SSH1: variants seen among roughly 807,000 people sequenced by gnomAD.
SSH1 encodes the protein slingshot protein phosphatase 1, also known as protein phosphatase Slingshot homolog 1.
Under a neutral mutation model 79.7 loss-of-function variants are expected in SSH1, and 43 were observed. That is an observed-to-expected ratio of 0.54 (90% CI 0.42 to 0.70). The LOEUF (loss-of-function observed/expected upper bound fraction) is 0.70, where lower values mean the gene tolerates loss of function less well. Ranked by LOEUF, SSH1 falls within the 30% of genes least tolerant of loss-of-function variation. SSH1 has a pLI of 0.00. For synonymous variants in SSH1, 599 were observed against 538.3 expected, an observed-to-expected ratio of 1.11 and a Z score of -1.56; for missense variants, 1,206 against 1,358.8, an observed-to-expected ratio of 0.89 and a Z score of 1.77.
At chr12:108,793,349 C>T (rs2036598748) in intron 13 of SSH1, among the ~76,000 whole-genome samples, 1 of 151,400 alleles carries the variant, frequency 6.6e-6, no homozygotes, top group Non-Finnish European at 1.5e-5. Flanking sequence ...AGGTTTAGGT[C>T]AGTTTTTAAA....
chr12:108,854,954 C>T (rs899158597), intron 1 of SSH1, among the ~76,000 whole-genome samples: 1 of 152,176 alleles, frequency 6.6e-6, no homozygotes, highest in African/African-American at 2.4e-5. Flanking sequence ...AACATCCCAG[C>T]GCATTCAAAG....
intron 2 of SSH1, among the ~76,000 whole-genome samples, chr12:108,825,329 G>A (rs1172246913): frequency 6.6e-6 from 1 of 152,140 alleles, no homozygotes; most frequent in African/African-American, 2.4e-5. Flanking sequence ...GTAGTTAAAC[G>A]TTCGAATTCT....
chr12:108,828,822 T>C, intron 2 of SSH1, among the ~76,000 whole-genome samples: 1 of 152,218 alleles, frequency 6.6e-6, no homozygotes, highest in East Asian at 1.9e-4. Flanking sequence ...GGTAAGTTTC[T>C]CATCAACAGG....
intron 1 of SSH1, among the ~76,000 whole-genome samples, chr12:108,855,718 C>T (rs929222542): frequency 6.6e-6 from 1 of 152,188 alleles, no homozygotes; most frequent in Admixed American, 6.5e-5. Flanking sequence ...AGCCCCTCCT[C>T]GCTGTGGGAA....
chr12:108,856,664 G>A (rs2039149278), intron 1 of SSH1, among the ~76,000 whole-genome samples: 1 of 152,216 alleles, frequency 6.6e-6, no homozygotes, highest in Non-Finnish European at 1.5e-5. Context: ...TCCAGAGGCG[G>A]CAGGCGGGGA....
chr12:108,792,354 C>T lies in SSH1; in HGVS notation c.1825G>A (p.Asp609Asn), dbSNP rs201082643. 14 of 1,614,164 alleles carry T rather than the reference C, an allele frequency of 8.7e-6. No homozygotes were observed. The highest frequency in any genetic ancestry group is 3.3e-5 in the South Asian group (3 of 91,080). Residue 609 changes from aspartate (D) to asparagine (N), a missense_variant, in exon 14 of 15, where the codon GAT (aspartate) becomes AAT (asparagine). Physicochemically the swap from Asp to Asn is conservative, Grantham distance 23. This residue lies in a region of SSH1 where 709 missense variants were observed against 730.6 expected (regional missense o/e 0.97). Coordinates refer to ENST00000326495, the MANE Select transcript of SSH1 (RefSeq NM_018984.4). Reference sequence around the variant, plus strand: ...TTCTCCGAGTTGAGCAGGTTTTGATCGAGCTGGGTTGGAAGCTGCCCCCAC... The same window carrying T: ...TTCTCCGAGTTGAGCAGGTTTTGATTGAGCTGGGTTGGAAGCTGCCCCCAC... ...GRWGQLPTQL[D>N]QNLLNSENLN...
intron 2 of SSH1, among the ~76,000 whole-genome samples, chr12:108,843,055 T>C (rs1163512673): frequency 1.3e-5 from 2 of 152,242 alleles, no homozygotes; most frequent in Non-Finnish European, 2.9e-5. Flanking sequence ...ATTTACTGTC[T>C]TGTCTCCTCA....
In SSH1 at chr12:108,792,334, CGAGTTGA is replaced by C. The variant is rs1422066648; in HGVS notation, c.1838_1844del (p.Leu613ArgfsTer4). ...TCTTGCTGTTGTTGTTTAGGTTCTC[CGAGTTGA>C]GCAGGTTTTGATCGAGCTGGGTTGG... On this transcript the variant is annotated frameshift_variant, in exon 14 of 15. Coordinates refer to ENST00000326495, the MANE Select transcript of SSH1 (RefSeq NM_018984.4). LOFTEE classifies it low-confidence loss of function (END_TRUNC). 6.2e-7 allele frequency: 1 copy of C among 1,614,034 alleles called. No individual in the cohort carries two copies. The highest frequency in any genetic ancestry group is 1.7e-5 in the Admixed American group (1 of 59,986).
chr12:108,804,113 G>A (rs1382674536), intron 10 of SSH1, among the ~76,000 whole-genome samples: 1 of 152,076 alleles, frequency 6.6e-6, no homozygotes, highest in African/African-American at 2.4e-5. Context: ...TTAGAGACAA[G>A]GTCTCACTAT....
intron 12 of SSH1, among the ~76,000 whole-genome samples, 164 bp downstream of exon 12, chr12:108,800,616 A>G (rs949954884): frequency 6.7e-6 from 1 of 149,930 alleles, no homozygotes; most frequent in Admixed American, 6.6e-5. Flanking sequence ...GCAAAGGTCC[A>G]TCCCACATCA....
chr12:108,852,519 C>T lies in SSH1; in HGVS notation c.110+119G>A, dbSNP rs956921758. On this transcript the variant is annotated intron_variant, in intron 2 of 14. Coordinates refer to ENST00000326495, the MANE Select transcript of SSH1 (RefSeq NM_018984.4). ...TGCTGGAATTACAGGCGTGACCCACCGCACCCAGCCCAAAATTGGCATATT... is the reference window on the plus strand; with the variant it reads ...TGCTGGAATTACAGGCGTGACCCACTGCACCCAGCCCAAAATTGGCATATT... The T allele has an allele frequency of 1.6e-5, 20 of 1,286,580 alleles. No individual in the cohort carries two copies. In the East Asian group the frequency reaches 3.7e-4, roughly 24 times the overall value. 79.7% of individuals were successfully genotyped at this position (1,286,580 alleles called of 1,614,324 possible).
At chr12:108,791,904 T>C (rs1031864401) in intron 14 of SSH1, 15 of 1,291,568 alleles carry the variant, frequency 1.2e-5, no homozygotes, top group African/African-American at 3.0e-5. Context: ...AGAATAGTCA[T>C]ATATCGATAA....
At chr12:108,824,464 A>AG (rs2038239700) in intron 2 of SSH1, among the ~76,000 whole-genome samples, 1 of 151,166 alleles carries the variant, frequency 6.6e-6, no homozygotes, top group South Asian at 2.1e-4. Flanking sequence ...CAAAAAAAAA[A>AG]AAAGAAAGAA....
chr12:108,788,494 TCTC>T lies in SSH1; in HGVS notation c.2641_2643del (p.Glu881del). 6.4e-7 allele frequency: 1 copy of T among 1,555,772 alleles called. No homozygotes were observed. The highest frequency in any genetic ancestry group is 8.7e-7 in the Non-Finnish European group (1 of 1,153,674). On this transcript the variant is annotated inframe_deletion, in exon 15 of 15. Transcript: ENST00000326495. ...AATGAAGCGGGGGCGGCCTCTGACT[TCTC>T]ATCACTCCCGGCCTGGCTGGGCATA...
intron 2 of SSH1, chr12:108,833,634 A>G (rs1303984750): frequency 1.3e-5 from 2 of 152,120 alleles, no homozygotes; most frequent in Non-Finnish European, 1.5e-5. Flanking sequence ...CCCACGGTGC[A>G]CCCGGCTCTG....
chr12:108,808,201 G>A (rs905719480), intron 7 of SSH1, among the ~76,000 whole-genome samples: 1 of 152,212 alleles, frequency 6.6e-6, no homozygotes, highest in Non-Finnish European at 1.5e-5. Flanking sequence ...GCCTCCCAAA[G>A]TACTGGGATT....
chr12:108,834,657 C>G (rs1221892017), intron 2 of SSH1, among the ~76,000 whole-genome samples: 1 of 152,138 alleles, frequency 6.6e-6, no homozygotes, highest in Non-Finnish European at 1.5e-5. Context: ...GAAAGACCAC[C>G]CTTAGTGATA....
intron 13 of SSH1, among the ~76,000 whole-genome samples, chr12:108,797,800 A>G (rs760123244): frequency 1.1e-4 from 17 of 152,130 alleles, no homozygotes; most frequent in Non-Finnish European, 2.2e-4. Flanking sequence ...CCATTCTTCA[A>G]TTCGCCCATG....
intron 2 of SSH1, among the ~76,000 whole-genome samples, chr12:108,841,653 C>T (rs781501636): frequency 7.9e-5 from 12 of 151,724 alleles, no homozygotes; most frequent in Admixed American, 3.9e-4. Context: ...ACTAAAAATA[C>T]GAAAAATTAG....
Sources: allele counts gnomAD v4.1 joint callset (sites outside exome capture counted in the v4.1 genomes callset), GRCh38; gene constraint gnomAD v4.1.1; regional missense constraint gnomAD v4.1.1; transcripts MANE v1.5; gene names NCBI Gene and HGNC (gene_info 2026-07-23, HGNC 2026-07-21).